The following PTPRD variants were observed in gnomAD, a reference collection of about 807,000 sequenced individuals.
PTPRD encodes receptor-type tyrosine-protein phosphatase delta.
Under a neutral mutation model 214.5 loss-of-function variants are expected in PTPRD, and 34 were observed. The ratio of observed to expected loss-of-function variants is 0.16; its 90% confidence interval spans 0.12 to 0.21. PTPRD has a LOEUF of 0.21. Among genes scored for constraint, PTPRD ranks in the 10% least tolerant of loss-of-function variants. The pLI is 1.00. For missense variants in PTPRD, 2,545 were observed against 2,398.7 expected, an observed-to-expected ratio of 1.06 and a Z score of -1.27; for synonymous variants, 1,128 against 845.7, an observed-to-expected ratio of 1.33 and a Z score of -5.79.
At chr9:8,548,488 C>G (rs944513978) in intron 14 of PTPRD, among the ~76,000 whole-genome samples, 7 of 151,898 alleles carry the variant, frequency 4.6e-5, no homozygotes, top group Non-Finnish European at 1.0e-4. Flanking sequence ...GTGCTTCAGC[C>G]TCCCAAGTAT....
intron 11 of PTPRD, among the ~76,000 whole-genome samples, chr9:8,834,428 C>T (rs1431358946): frequency 8.4e-5 from 1 of 11,852 alleles, no homozygotes; most frequent in African/African-American, 6.2e-4. Flanking sequence ...TCTTTTATAA[C>T]CTGTTTTTGT....
intron 9 of PTPRD, among the ~76,000 whole-genome samples, chr9:9,369,976 G>C (rs1357925597): frequency 1.3e-5 from 2 of 152,100 alleles, no homozygotes; most frequent in African/African-American, 4.8e-5. Flanking sequence ...CTATATCTCT[G>C]TTTTGGTACC....
At chr9:10,053,824 T>C (rs994480227) in intron 3 of PTPRD, among the ~76,000 whole-genome samples, 1 of 152,154 alleles carries the variant, frequency 6.6e-6, no homozygotes, top group African/African-American at 2.4e-5. Flanking sequence ...AGTGGTATGA[T>C]CTTGGCTCAC....
chr9:9,565,340 A>G lies in PTPRD; in HGVS notation c.-237+9392T>C, dbSNP rs545534378. ...ACATTTATAGACTATGTAGAAATGG[A>G]GATACACTTCTGATGAGTGAAATGT... On this transcript the variant is annotated intron_variant, in intron 8 of 45. Transcript: ENST00000381196. Among the ~76,000 whole-genome samples, 102 of 152,028 alleles carry G rather than the reference A, an allele frequency of 6.7e-4. 1 individual carries two copies. The highest frequency in any genetic ancestry group is 3.3e-3 in the Admixed American group (50 of 15,252).
chr9:9,421,325 G>A (rs144806305), intron 8 of PTPRD, among the ~76,000 whole-genome samples: 1,670 of 59,236 alleles, frequency 0.028, 12 homozygotes, highest in Non-Finnish European at 0.035. Flanking sequence ...AATATAAACA[G>A]GAAATATGCA....
At chr9:8,710,265 A>C (rs1346907031) in intron 12 of PTPRD, among the ~76,000 whole-genome samples, 1 of 152,182 alleles carries the variant, frequency 6.6e-6, no homozygotes, top group African/African-American at 2.4e-5. Flanking sequence ...TCTCAGGGTC[A>C]AGTACATTCA....
At chr9:9,260,374 C>T (rs888397199) in intron 9 of PTPRD, among the ~76,000 whole-genome samples, 8 of 151,810 alleles carry the variant, frequency 5.3e-5, no homozygotes, top group African/African-American at 1.2e-4. Context: ...ACCGAAATCA[C>T]GTTTATTAAA....
chr9:10,308,280 T>TAGTGAGAGATAGCATCTGGCTG (rs1230014251), intron 3 of PTPRD, among the ~76,000 whole-genome samples: 1 of 152,088 alleles, frequency 6.6e-6, no homozygotes, highest in African/African-American at 2.4e-5. Flanking sequence ...ATTCTGCATA[T>TAGTGAGAGATAGCATCTGGCTG]GGATGTCCAA....
intron 6 of PTPRD, among the ~76,000 whole-genome samples, chr9:9,750,606 A>G (rs1444838445): frequency 6.6e-6 from 1 of 152,058 alleles, no homozygotes; most frequent in Non-Finnish European, 1.5e-5. Context: ...CTAACTTCCT[A>G]CAGAGGTTTG....
chr9:9,211,937 T>C (rs1032507649), intron 9 of PTPRD, among the ~76,000 whole-genome samples: 1 of 152,176 alleles, frequency 6.6e-6, no homozygotes, highest in Admixed American at 6.5e-5. Flanking sequence ...TTTTAATATC[T>C]GCACTCTTTT....
At chr9:10,255,528 G>A (rs1231536641) in intron 3 of PTPRD, among the ~76,000 whole-genome samples, 3 of 152,168 alleles carry the variant, frequency 2.0e-5, no homozygotes, top group Admixed American at 1.3e-4. Context: ...GTTGATCTAG[G>A]TGAGAGGTGC....
At chr9:9,184,838 G>A (rs1292295213) in intron 9 of PTPRD, among the ~76,000 whole-genome samples, 1 of 152,014 alleles carries the variant, frequency 6.6e-6, no homozygotes, top group Non-Finnish European at 1.5e-5. Flanking sequence ...GATGTATCAT[G>A]AAAATTTCAT....
chr9:9,192,769 C>T (rs2099936030), intron 9 of PTPRD, among the ~76,000 whole-genome samples: 1 of 151,982 alleles, frequency 6.6e-6, no homozygotes, highest in Non-Finnish European at 1.5e-5. Context: ...AACTAATTTA[C>T]ACTGGAGGAG....
chr9:9,101,378 C>G (rs536664508), intron 10 of PTPRD, among the ~76,000 whole-genome samples: 1 of 152,004 alleles, frequency 6.6e-6, no homozygotes, highest in South Asian at 2.1e-4. Flanking sequence ...ATGAACAGTA[C>G]GATTTTTCTG....
intron 5 of PTPRD, among the ~76,000 whole-genome samples, chr9:9,769,569 G>A (rs1273676148): frequency 1.3e-5 from 2 of 151,582 alleles, no homozygotes; most frequent in Admixed American, 6.6e-5. Flanking sequence ...CTCGTGATCC[G>A]CTTGCCTTGG....
At chr9:10,368,114 G>C (rs1230756075) in intron 2 of PTPRD, among the ~76,000 whole-genome samples, 2 of 151,988 alleles carry the variant, frequency 1.3e-5, no homozygotes, top group Non-Finnish European at 1.5e-5. Context: ...ACAGCCTTAG[G>C]GGCTATATGT....
intron 3 of PTPRD, among the ~76,000 whole-genome samples, chr9:10,184,239 A>G (rs1004240821): frequency 6.6e-6 from 1 of 152,102 alleles, no homozygotes; most frequent in Non-Finnish European, 1.5e-5. Flanking sequence ...AGCCTGGCCA[A>G]CATGGCGAAA....
intron 3 of PTPRD, among the ~76,000 whole-genome samples, chr9:10,277,399 G>C (rs889944947): frequency 6.6e-6 from 1 of 152,098 alleles, no homozygotes; most frequent in Non-Finnish European, 1.5e-5. Context: ...AAACGACAAT[G>C]ATCCAGGGCC....
chr9:8,991,111 C>T (rs184760242), intron 11 of PTPRD, among the ~76,000 whole-genome samples: 9 of 150,294 alleles, frequency 6.0e-5, no homozygotes, highest in Admixed American at 3.3e-4. Context: ...CCCAGCTACT[C>T]GGGAGGCTGA....
Sources: gnomAD v4.1 joint callset for allele counts (sites outside exome capture counted in the v4.1 genomes callset) on GRCh38, gnomAD v4.1.1 for gene constraint, MANE v1.5 for transcripts, NCBI Gene and HGNC (gene_info 2026-07-23, HGNC 2026-07-21) for gene names.